Variants in ACAD11 observed in about 807,000 individuals in gnomAD.
ACAD11 encodes acyl-CoA dehydrogenase family member 11.
Under a neutral mutation model 102.2 loss-of-function variants are expected in ACAD11, and 83 were observed. The observed-to-expected ratio is 0.81, with a 90% CI of 0.68 to 0.97. The LOEUF is 0.97. Ranked by LOEUF, ACAD11 falls within the 50% of genes least tolerant of loss-of-function variation. ACAD11 has a pLI of 0.00. For missense variants in ACAD11, 901 were observed against 951.7 expected (o/e 0.95, Z 0.70); for synonymous variants, 324 against 319.8 (o/e 1.01, Z -0.14).
chr3:132,639,610 A>G lies in ACAD11; in HGVS notation c.584T>C (p.Ile195Thr). Reference sequence around the variant, plus strand: ...CTCCGATAGCTGTTGCATGGCAGGGATGTCCTGATGAGCTGCAGCTTGATA... The same window carrying G: ...CTCCGATAGCTGTTGCATGGCAGGGGTGTCCTGATGAGCTGCAGCTTGATA... The part of the protein sequence containing the change: ...KQYQAAAHQD[I>T]PAMQQLSEWL... Residue 195 changes from isoleucine to threonine, a missense_variant, in exon 5 of 20, where the codon ATC becomes ACC. By Grantham distance (89) the Ile-to-Thr change is moderately conservative. Transcript: ENST00000264990. The G allele has an allele frequency of 6.2e-7, 1 of 1,613,664 alleles. No homozygotes were observed. The highest frequency in any genetic ancestry group is 8.5e-7 in the Non-Finnish European group (1 of 1,179,806).
chr3:132,650,428 T>C (rs1453932736), intron 1 of ACAD11: 1 of 152,182 alleles, frequency 6.6e-6, no homozygotes, highest in Non-Finnish European at 1.5e-5. Context: ...AAACTCAACA[T>C]GAAGTTTGAA....
intron 9 of ACAD11, among the ~76,000 whole-genome samples, chr3:132,622,762 C>G (rs947253636): frequency 6.6e-6 from 1 of 152,146 alleles, no homozygotes. Flanking sequence ...CCCAAAATAT[C>G]ACCTGTAGCA....
intron 8 of ACAD11, among the ~76,000 whole-genome samples, chr3:132,628,045 A>G (rs1939894594): frequency 6.6e-6 from 1 of 152,248 alleles, no homozygotes; most frequent in Non-Finnish European, 1.5e-5. Context: ...AATTAGATAT[A>G]TGTAAGTGAC....
intron 1 of ACAD11, chr3:132,648,492 C>G (rs908832224): frequency 6.6e-6 from 1 of 151,772 alleles, no homozygotes; most frequent in Non-Finnish European, 1.5e-5. Context: ...CTACCTGCAT[C>G]TCTAAGCTTT....
In ACAD11 at chr3:132,577,120, A is replaced by G. The variant is rs549580672; in HGVS notation, c.1775-105T>C. The G allele has an allele frequency of 3.5e-5, 26 of 752,184 alleles. No homozygotes were observed. In the Admixed American group the frequency reaches 3.7e-4, roughly 11 times the overall value. The allele number at this position is 752,184 out of a possible 1,614,324, so 46.6% of individuals were successfully genotyped here. A position where few individuals can be genotyped will look rare whatever the true frequency, so the allele number is the denominator to read the frequency against. ...ATTACTTGAAGAAAATAGGATTTCA[A>G]AGATCCATATGGCATGAACATTCTG... On this transcript the variant is annotated intron_variant, in intron 15 of 19. Transcript: ENST00000264990.
In ACAD11 at chr3:132,579,546, G is replaced by T. The variant is rs1380940636; in HGVS notation, c.1634C>A (p.Pro545His). ...CAAAACAATTGCAATTTTGCACTTGGGATTCCCAGCTCCTAAAACCAAGGG... is the reference window on the plus strand; with the variant it reads ...CAAAACAATTGCAATTTTGCACTTGTGATTCCCAGCTCCTAAAACCAAGGG... ...KKWWSSGAGN[P>H]KCKIAIVLGR... Residue 545 changes from proline to histidine, a missense_variant, in exon 14 of 20, where the codon CCC becomes CAC. By Grantham distance (77) the Pro-to-His change is moderately conservative. Transcript: ENST00000264990. The T allele has an allele frequency of 6.2e-7, 1 of 1,612,656 alleles. No individual in the cohort carries two copies. Among genetic ancestry groups the T allele is most frequent in the Admixed American group, 1.7e-5 (1 of 59,932 alleles).
Position 132,619,477 on chromosome 3 carries a change from A to G in ACAD11, c.1266T>C (p.Asp422=). 6.3e-7 allele frequency: 1 copy of G among 1,583,190 alleles called. No individual in the cohort carries two copies. Among genetic ancestry groups the G allele is most frequent in the Non-Finnish European group, 8.6e-7 (1 of 1,167,864 alleles). ...VDKWGKPLVI[D]KLKEMAKVEG... ...TTAAAGATTTTCTTACCTTGAGTTT[A>G]TCAATCACTAAAGGTTTTCCCCACT... is the stretch of plus-strand genomic sequence containing the variant. Residue 422 remains aspartate, a synonymous_variant, in exon 10 of 20, where the codon GAT becomes GAC. Coordinates refer to ENST00000264990, the MANE Select transcript of ACAD11 (RefSeq NM_032169.5).
Position 132,579,594 on chromosome 3 carries a change from G to A in ACAD11, c.1622-36C>T, listed in dbSNP as rs372989036. ...GGGGAACACAAGCAGATTATAAAAG[G>A]AAATTTCTAGTTTGACATTTCACCT... On this transcript the variant is annotated intron_variant, in intron 13 of 19. Transcript: ENST00000264990. The A allele has an allele frequency of 3.7e-4, 589 of 1,574,418 alleles. 10 individuals are homozygous for A. The South Asian group carries it at 3.8e-3, about 10-fold the overall frequency.
chr3:132,580,904 C>G (rs888032750), intron 13 of ACAD11, among the ~76,000 whole-genome samples: 8 of 151,812 alleles, frequency 5.3e-5, no homozygotes, highest in Non-Finnish European at 8.8e-5. Context: ...GTAAGAGACA[C>G]TTAGAGCCAA....
intron 13 of ACAD11, among the ~76,000 whole-genome samples, chr3:132,596,066 G>T (rs893199522): frequency 6.6e-6 from 1 of 152,304 alleles, no homozygotes; most frequent in African/African-American, 2.4e-5. Context: ...CAAAGAAAAT[G>T]TGGTACATAT....
At chr3:132,572,190 T>G (rs1272011885) in intron 17 of ACAD11, among the ~76,000 whole-genome samples, 1 of 152,200 alleles carries the variant, frequency 6.6e-6, no homozygotes, top group Non-Finnish European at 1.5e-5. Context: ...TAAAGCTTCT[T>G]AAGCTGATAA....
intron 4 of ACAD11, among the ~76,000 whole-genome samples, chr3:132,641,600 G>T (rs1940509926): frequency 6.7e-6 from 1 of 148,662 alleles, no homozygotes; most frequent in Non-Finnish European, 1.5e-5. Flanking sequence ...AGAAGAAGAA[G>T]AAGAGGAGGA....
intron 18 of ACAD11, 126 bp downstream of exon 18, chr3:132,560,975 A>G: frequency 1.4e-6 from 1 of 718,204 alleles, no homozygotes; most frequent in Admixed American, 2.3e-5. Flanking sequence ...TTATAACCCA[A>G]AATCACATGG....
intron 17 of ACAD11, among the ~76,000 whole-genome samples, chr3:132,566,327 T>A (rs72628558): frequency 0.11 from 15,108 of 138,752 alleles, 1,391 homozygotes; most frequent in East Asian, 0.55. Flanking sequence ...AACAGCATCA[T>A]AGGAACATGT....
intron 13 of ACAD11, among the ~76,000 whole-genome samples, chr3:132,592,537 C>A (rs986392474): frequency 2.6e-5 from 4 of 152,106 alleles, no homozygotes; most frequent in Admixed American, 1.3e-4. Context: ...CTTTTACCCA[C>A]AAAATCATTT....
At chr3:132,592,369 G>A (rs1175962208) in intron 13 of ACAD11, among the ~76,000 whole-genome samples, 1 of 152,156 alleles carries the variant, frequency 6.6e-6, no homozygotes, top group African/African-American at 2.4e-5. Flanking sequence ...TATATGCTGT[G>A]TCACAGGCCT....
At chr3:132,649,218 G>C (rs1016359587) in intron 1 of ACAD11, among the ~76,000 whole-genome samples, 1 of 152,226 alleles carries the variant, frequency 6.6e-6, no homozygotes, top group Non-Finnish European at 1.5e-5. Context: ...CACCCGTAGG[G>C]GGTCTGTGCT....
At chr3:132,623,244 A>G (rs1467804741) in intron 9 of ACAD11, among the ~76,000 whole-genome samples, 3 of 152,178 alleles carry the variant, frequency 2.0e-5, no homozygotes, top group Non-Finnish European at 4.4e-5. Flanking sequence ...GAAGCGTCTC[A>G]GTGGTTAAAG....
chr3:132,574,606 C>G (rs866927855), intron 17 of ACAD11, among the ~76,000 whole-genome samples: 1 of 151,848 alleles, frequency 6.6e-6, no homozygotes, highest in Admixed American at 6.6e-5. Flanking sequence ...ATAAGGAGAC[C>G]GACATACTAA....
Sources: gnomAD v4.1 joint callset for allele counts (sites outside exome capture counted in the v4.1 genomes callset) on GRCh38, gnomAD v4.1.1 for gene constraint, MANE v1.5 for transcripts, NCBI Gene and HGNC (gene_info 2026-07-23, HGNC 2026-07-21) for gene names.